Variants in LUZP1 observed in about 807,000 individuals in gnomAD.
LUZP1 encodes filamin mechanobinding actin cross-linking protein.
LUZP1 carries 25 observed loss-of-function variants against 71.3 expected under a neutral mutation model. The ratio of observed to expected loss-of-function variants is 0.35; its 90% CI spans 0.26 to 0.49. The LOEUF (loss-of-function observed/expected upper bound fraction) is 0.49, where lower values mean the gene tolerates loss of function less well. LUZP1 is among the 20% of genes least tolerant of loss of function. The probability of loss-of-function intolerance (pLI) is 0.99; values close to 1 mark genes in which losing one functional copy is unlikely to be tolerated. For synonymous variants in LUZP1, 481 were observed against 506.4 expected, an observed-to-expected ratio of 0.95 and a Z score of 0.67; for missense variants, 1,142 against 1,300.8, an observed-to-expected ratio of 0.88 and a Z score of 1.88.
chr1:23,091,039 C>A lies in LUZP1; in HGVS notation c.3072+151G>T. 1.2e-6 allele frequency: 1 copy of A among 844,142 alleles called. No homozygotes were observed. The allele number at this position is 844,142 out of a possible 1,614,324, so 52.3% of individuals were successfully genotyped here. ...CCTTCTTTAGGAGAAAGGTCAAACC[C>A]CCCTGATTTTTCAACAGTTCTCTAA... On this transcript the variant is annotated intron_variant, in intron 4 of 4. Transcript: ENST00000302291.
intron 2 of LUZP1, among the ~76,000 whole-genome samples, chr1:23,111,193 C>G (rs1644028961): frequency 2.9e-5 from 2 of 69,144 alleles, no homozygotes; most frequent in Non-Finnish European, 6.0e-5. Flanking sequence ...CAGTGAGACG[C>G]TGTCTCAAAA....
At chr1:23,101,027 A>G (rs1445063825) in intron 3 of LUZP1, among the ~76,000 whole-genome samples, 1 of 152,186 alleles carries the variant, frequency 6.6e-6, no homozygotes, top group Admixed American at 6.5e-5. Context: ...GCATTTTTAC[A>G]AAATGAGGAG....
intron 2 of LUZP1, among the ~76,000 whole-genome samples, chr1:23,142,878 T>C (rs1264606534): frequency 1.3e-5 from 2 of 151,568 alleles, no homozygotes; most frequent in Non-Finnish European, 2.9e-5. Context: ...TTTTAAAGAA[T>C]GAATAGGCCA....
chr1:23,109,938 A>T (rs1179339885), intron 2 of LUZP1, among the ~76,000 whole-genome samples: 1 of 152,220 alleles, frequency 6.6e-6, no homozygotes, highest in Non-Finnish European at 1.5e-5. Context: ...TAAAAATAAG[A>T]TGTTCTAGAA....
chr1:23,167,830 G>T (rs941751106), intron 2 of LUZP1, among the ~76,000 whole-genome samples: 1 of 152,102 alleles, frequency 6.6e-6, no homozygotes, highest in Non-Finnish European at 1.5e-5. Flanking sequence ...ACCAGCCCCA[G>T]AAACCGCACT....
Position 23,168,764 on chromosome 1 carries a change from A to C in LUZP1, c.-226+2T>G, listed in dbSNP as rs1260454967. ...CGCCGCCGCCGCCTCACGGACCCTCACCTCTGCGGCCCCGAACCGCGCTCC... is the reference window on the plus strand; with the variant it reads ...CGCCGCCGCCGCCTCACGGACCCTCCCCTCTGCGGCCCCGAACCGCGCTCC... On this transcript the variant is annotated splice_donor_variant, in intron 2 of 4. Transcript: ENST00000302291. LOFTEE classifies it low-confidence loss of function (5UTR_SPLICE). The C allele has an allele frequency of 6.6e-6, 1 of 151,006 alleles. No individual in the cohort carries two copies. Among genetic ancestry groups the C allele is most frequent in the Non-Finnish European group, 1.5e-5 (1 of 67,732 alleles). 9.4% of individuals were successfully genotyped at this position (151,006 alleles called of 1,614,324 possible).
At position 23,139,019 on chromosome 1, in the gene LUZP1, AATAT is replaced by A. The variant is rs1225155907; in HGVS notation, c.-226+29743_-226+29746del. Among the ~76,000 whole-genome samples, 142 of 59,928 alleles carry A rather than the reference AATAT, an allele frequency of 2.4e-3. 1 individual carries two copies. The highest frequency in any genetic ancestry group is 8.5e-3 in the East Asian group (21 of 2,468). The allele number at this position is 59,928 out of a possible 152,430, so 39.3% of individuals were successfully genotyped here. A position where few individuals can be genotyped will look rare whatever the true frequency, so the allele number is the denominator to read the frequency against. ...TCTCAAAAAAAAAAAAAAAAAAAAAAATATATATATATATATATATATATATACA... is the reference window on the plus strand; with the variant it reads ...TCTCAAAAAAAAAAAAAAAAAAAAAAATATATATATATATATATATATACA... On this transcript the variant is annotated intron_variant, in intron 2 of 4. Transcript: ENST00000302291.
intron 3 of LUZP1, among the ~76,000 whole-genome samples, chr1:23,108,762 C>T (rs1034004147): frequency 2.0e-5 from 3 of 152,308 alleles, no homozygotes; most frequent in Admixed American, 6.5e-5. Context: ...AACAGGACTG[C>T]GCCCGACATA....
rs1252531686 is a variant in LUZP1, at chr1:23,142,696, TATATAC to T, written c.-226+26064_-226+26069del. The stretch of plus-strand genomic sequence containing the variant: ...ATGGTGGGTGCATAAAATATATATA[TATATAC>T]ACACACACACACACACACACACACA... On this transcript the variant is annotated intron_variant, in intron 2 of 4. Coordinates refer to ENST00000302291, the Ensembl canonical transcript of LUZP1. Among the ~76,000 whole-genome samples the T allele has an allele frequency of 4.8e-3, 438 of 90,794 alleles. 4 individuals are homozygous for T. The highest frequency in any genetic ancestry group is 0.016 in the African/African-American group (303 of 18,706). The allele number at this position is 90,794 out of a possible 152,430, so 59.6% of individuals were successfully genotyped here.
intron 1 of LUZP1, among the ~76,000 whole-genome samples, chr1:23,169,982 A>ACACC (rs1363865471): frequency 1.3e-5 from 2 of 151,806 alleles, no homozygotes; most frequent in Non-Finnish European, 2.9e-5. Flanking sequence ...ACACACACAC[A>ACACC]CACACACACA....
rs1643882758 is a variant in LUZP1 at position 23,094,494 on chromosome 1, C to T, written c.-119-114G>A. On this transcript the variant is annotated intron_variant, in intron 3 of 4. Transcript: ENST00000302291. The surrounding 1 kb of genome is among the most constrained non-coding windows in gnomAD (Gnocchi z 4.7). ...CCTGGTGCCTGGATCATAGCAGGGG[C>T]TCAAACCTGTTGAATGAATGACTTG... The T allele has an allele frequency of 3.3e-6, 2 of 611,342 alleles. No individual in the cohort carries two copies. Among genetic ancestry groups the T allele is most frequent in the African/African-American group, 1.9e-5 (1 of 52,462 alleles). 37.9% of individuals were successfully genotyped at this position (611,342 alleles called of 1,614,324 possible).
At chr1:23,146,134 G>A (rs573185741) in intron 2 of LUZP1, among the ~76,000 whole-genome samples, 248 of 152,130 alleles carry the variant, frequency 1.6e-3, no homozygotes, top group African/African-American at 5.7e-3. Flanking sequence ...GGGTTCAAGC[G>A]ATTCTGCTGC....
At chr1:23,156,470 A>G (rs78967234) in intron 2 of LUZP1, among the ~76,000 whole-genome samples, 1 of 152,342 alleles carries the variant, frequency 6.6e-6, no homozygotes, top group African/African-American at 2.4e-5. Context: ...CTGTTCCTAC[A>G]CAGATTTGCC....
At chr1:23,164,105 C>A (rs1644491242) in intron 2 of LUZP1, 1 of 151,902 alleles carries the variant, frequency 6.6e-6, no homozygotes, top group South Asian at 2.1e-4. Flanking sequence ...ATACGGAGGA[C>A]CAATGGTGGA....
exon 5 of LUZP1, chr1:23,088,676 A>G: frequency 1.9e-6 from 1 of 519,506 alleles, no homozygotes; most frequent in East Asian, 3.3e-5. Context: ...GGACTCGTGC[A>G]TTGGGGAAGG....
chr1:23,156,855 T>C (rs1644424213), intron 2 of LUZP1, among the ~76,000 whole-genome samples: 1 of 152,238 alleles, frequency 6.6e-6, no homozygotes, highest in South Asian at 2.1e-4. Context: ...ACATTTCATT[T>C]GTGGCCAAAA....
At position 23,133,208 on chromosome 1, in the gene LUZP1, G is replaced by A. The variant is rs186382946; in HGVS notation, c.-225-24081C>T. On this transcript the variant is annotated intron_variant, in intron 2 of 4. Coordinates refer to ENST00000302291, the Ensembl canonical transcript of LUZP1. ...AACTAAACTACAAAATCACAGTGACGATATATACGAACAGATCTTTCTAAG... is the reference window on the plus strand; with the variant it reads ...AACTAAACTACAAAATCACAGTGACAATATATACGAACAGATCTTTCTAAG... Among the ~76,000 whole-genome samples, 7 of 152,274 alleles carry A rather than the reference G, an allele frequency of 4.6e-5. No individual in the cohort carries two copies. The East Asian group carries it at 1.2e-3, about 25-fold the overall frequency.
chr1:23,104,450 C>T (rs1643963257), intron 3 of LUZP1, among the ~76,000 whole-genome samples: 1 of 152,130 alleles, frequency 6.6e-6, no homozygotes, highest in African/African-American at 2.4e-5. Flanking sequence ...TCCCAAAGTG[C>T]TGGGATTACA....
At chr1:23,132,675 G>T (rs953028439) in intron 2 of LUZP1, among the ~76,000 whole-genome samples, 2 of 152,156 alleles carry the variant, frequency 1.3e-5, no homozygotes, top group Admixed American at 6.5e-5. Context: ...TTGTCAAATT[G>T]TTCAGAAAAA....
Sources: allele counts gnomAD v4.1 joint callset (sites outside exome capture counted in the v4.1 genomes callset), GRCh38; gene constraint gnomAD v4.1.1; non-coding constraint Gnocchi (gnomAD v3.1); transcripts MANE v1.5; gene names NCBI Gene and HGNC (gene_info 2026-07-23, HGNC 2026-07-21).